Variants in TOX2 observed in about 807,000 individuals in gnomAD.
The protein encoded by TOX2 is granulosa cell HMG box 1.
Under a neutral mutation model 47.4 loss-of-function variants are expected in TOX2, and 15 were observed. The observed-to-expected ratio is 0.32, with a 90% CI of 0.21 to 0.49. The LOEUF (loss-of-function observed/expected upper bound fraction) is 0.49. Among genes scored for constraint, TOX2 ranks in the 20% least tolerant of loss-of-function variants. TOX2 has a pLI of 0.99. For missense variants in TOX2, 622 were observed against 673.1 expected, an observed-to-expected ratio of 0.92 and a Z score of 0.84; for synonymous variants, 290 against 296.6, an observed-to-expected ratio of 0.98 and a Z score of 0.23.
At chr20:43,947,153 T>G (rs2069487959) in intron 1 of TOX2, among the ~76,000 whole-genome samples, 1 of 152,220 alleles carries the variant, frequency 6.6e-6, no homozygotes, top group Non-Finnish European at 1.5e-5. Flanking sequence ...ATTGAGCACC[T>G]ACTGTATACT....
intron 1 of TOX2, among the ~76,000 whole-genome samples, chr20:43,938,608 C>T (rs6103523): frequency 0.035 from 5,264 of 152,194 alleles, 299 homozygotes; most frequent in African/African-American, 0.12. Flanking sequence ...AGATGGCCAG[C>T]GAGGTGGTGG....
At chr20:43,975,374 CT>C in intron 2 of TOX2, among the ~76,000 whole-genome samples, 1 of 152,312 alleles carries the variant, frequency 6.6e-6, no homozygotes, top group South Asian at 2.1e-4. Context: ...CTTGCAAAGC[CT>C]TTTTCTCAAT....
chr20:44,030,765 C>T (rs1234989548), intron 3 of TOX2, among the ~76,000 whole-genome samples: 1 of 152,134 alleles, frequency 6.6e-6, no homozygotes, highest in Non-Finnish European at 1.5e-5. Flanking sequence ...GATGTGCCTG[C>T]TATAAAGTGA....
intron 5 of TOX2, among the ~76,000 whole-genome samples, chr20:44,055,481 C>G (rs1168916511): frequency 6.6e-6 from 1 of 151,980 alleles, no homozygotes; most frequent in Non-Finnish European, 1.5e-5. Context: ...TGAAAGGAGA[C>G]CAGGATGGCC....
At position 44,051,475 on chromosome 20, in the gene TOX2, C is replaced by T. The variant is rs559758657; in HGVS notation, c.581C>T (p.Pro194Leu). 7.4e-6 allele frequency: 12 copies of T among 1,613,534 alleles called. No individual in the cohort carries two copies. The highest frequency in any genetic ancestry group is 2.2e-5 in the East Asian group (1 of 44,846). ...SSIAHSSPSPPGSKSATPSPS... is the reference protein window; with the variant it reads ...SSIAHSSPSPLGSKSATPSPS... Reference sequence around the variant, plus strand: ...ATCGCCCACAGCTCCCCATCACCGCCGGGGAGCAAGTCAGCGACCCCCTCT... The same window carrying T: ...ATCGCCCACAGCTCCCCATCACCGCTGGGGAGCAAGTCAGCGACCCCCTCT... Residue 194 changes from proline (P) to leucine (L), a missense_variant, in exon 4 of 9, where the codon CCG becomes CTG. By Grantham distance (98) the Pro-to-Leu change is moderately conservative. Around this residue, in one of 3 missense-constraint regions of TOX2, gnomAD observed 307 missense variants for 327.3 expected, o/e 0.94. Transcript: ENST00000341197.
intron 1 of TOX2, among the ~76,000 whole-genome samples, chr20:43,917,222 G>C (rs2069065622): frequency 6.6e-6 from 1 of 152,178 alleles, no homozygotes; most frequent in Non-Finnish European, 1.5e-5. Flanking sequence ...AGGTCTTTTG[G>C]TAAGGGATTC....
chr20:43,968,063 A>G (rs1426930775), intron 1 of TOX2, among the ~76,000 whole-genome samples: 1 of 152,110 alleles, frequency 6.6e-6, no homozygotes, highest in Non-Finnish European at 1.5e-5. Flanking sequence ...AATGTGTACA[A>G]TCCCTCACCC....
chr20:43,984,464 T>C (rs945894563), intron 2 of TOX2, among the ~76,000 whole-genome samples: 1 of 152,172 alleles, frequency 6.6e-6, no homozygotes, highest in Non-Finnish European at 1.5e-5. Context: ...AAAAATGGCC[T>C]AGCTTCTCTT....
chr20:44,001,152 T>C lies in TOX2; in HGVS notation c.166-5395T>C, dbSNP rs558252181. ...TTCTATATTTTCATGAGGATGCCAGTGGTAGAGAGAAAATTAGGCACCATG... is the reference window on the plus strand; with the variant it reads ...TTCTATATTTTCATGAGGATGCCAGCGGTAGAGAGAAAATTAGGCACCATG... On this transcript the variant is annotated intron_variant, in intron 2 of 8. Transcript: ENST00000341197. Among the ~76,000 whole-genome samples the C allele has an allele frequency of 2.1e-4, 32 of 152,298 alleles. No individual in the cohort carries two copies. The South Asian group carries it at 5.8e-3, about 28-fold the overall frequency.
In TOX2 at chr20:43,927,657, TCC is replaced by T. The variant is rs1346821460; in HGVS notation, c.99+12670_99+12671del. ...CTTCCTTCCTCCCCTTCCCTTCCCT[TCC>T]CCTTCCTTCCTTCCTTTCTTCCTTC... On this transcript the variant is annotated intron_variant, in intron 1 of 8. Coordinates refer to ENST00000341197, the MANE Select transcript of TOX2 (RefSeq NM_001098797.2). Among the ~76,000 whole-genome samples, 2 of 104,316 alleles carry T rather than the reference TCC, an allele frequency of 1.9e-5. 1 individual carries two copies. The highest frequency in any genetic ancestry group is 1.0e-4 in the African/African-American group (2 of 19,254). The allele number at this position is 104,316 out of a possible 152,430, so 68.4% of individuals were successfully genotyped here.
At chr20:43,977,013 C>T (rs1998108) in intron 2 of TOX2, among the ~76,000 whole-genome samples, 14 of 152,172 alleles carry the variant, frequency 9.2e-5, no homozygotes, top group Non-Finnish European at 1.5e-4. Context: ...ACCCAATCAG[C>T]AAATGTTTAT....
At chr20:44,061,213 A>C (rs779496240) in intron 5 of TOX2, among the ~76,000 whole-genome samples, 12 of 152,012 alleles carry the variant, frequency 7.9e-5, no homozygotes, top group Non-Finnish European at 1.5e-4. Flanking sequence ...AATAACAAGC[A>C]GTGAGATTGA....
intron 1 of TOX2, among the ~76,000 whole-genome samples, chr20:43,966,028 T>C (rs1362597099): frequency 6.6e-6 from 1 of 152,202 alleles, no homozygotes; most frequent in African/African-American, 2.4e-5. Flanking sequence ...ATAGGTAACA[T>C]TTATTAAGCA....
chr20:44,018,433 C>A (rs539173501), intron 3 of TOX2, among the ~76,000 whole-genome samples: 3 of 152,194 alleles, frequency 2.0e-5, no homozygotes, highest in Non-Finnish European at 4.4e-5. Context: ...TCAGCTGCAG[C>A]CTCGATATTA....
chr20:43,989,553 G>A (rs981153553), intron 2 of TOX2, among the ~76,000 whole-genome samples: 1 of 152,158 alleles, frequency 6.6e-6, no homozygotes, highest in Non-Finnish European at 1.5e-5. Context: ...GCCCAGACAG[G>A]TGGGTCACTT....
intron 3 of TOX2, among the ~76,000 whole-genome samples, chr20:44,038,208 C>T (rs1353819084): frequency 6.6e-6 from 1 of 152,102 alleles, no homozygotes; most frequent in Non-Finnish European, 1.5e-5. Flanking sequence ...ACAGCCTGGG[C>T]AACATAGAGA....
intron 3 of TOX2, among the ~76,000 whole-genome samples, chr20:44,010,891 CAGAAGCA>C (rs2070767765): frequency 6.6e-6 from 1 of 152,116 alleles, no homozygotes; most frequent in Non-Finnish European, 1.5e-5. Flanking sequence ...TCCAGAAGTC[CAGAAGCA>C]GTCTCCTTGG....
chr20:43,986,595 A>G (rs567594758), intron 2 of TOX2, among the ~76,000 whole-genome samples: 1 of 152,246 alleles, frequency 6.6e-6, no homozygotes, highest in South Asian at 2.1e-4. Flanking sequence ...AAATTTATTA[A>G]CATGGTATAC....
Position 44,055,219 on chromosome 20 carries a change from G to A in TOX2, c.879+693G>A, listed in dbSNP as rs904538689. On this transcript the variant is annotated intron_variant, in intron 5 of 8. Coordinates refer to ENST00000341197, the MANE Select transcript of TOX2 (RefSeq NM_001098797.2). ...TTTGAACTCACATCTGTAGAAGCAG[G>A]AGGCTCAACTGGGCTGTTGGCATGA... Among the ~76,000 whole-genome samples the A allele has an allele frequency of 5.3e-5, 8 of 152,364 alleles. No individual in the cohort carries two copies. In the East Asian group the frequency reaches 1.5e-3, roughly 29 times the overall value.
Sources: allele counts gnomAD v4.1 joint callset (sites outside exome capture counted in the v4.1 genomes callset), GRCh38; gene constraint gnomAD v4.1.1; regional missense constraint gnomAD v4.1.1; transcripts MANE v1.5; gene names NCBI Gene and HGNC (gene_info 2026-07-23, HGNC 2026-07-21).